The following AGTR1 variants were observed in gnomAD, a reference collection of about 807,000 sequenced individuals.
The protein encoded by AGTR1 is angiotensin II receptor type 1.
A neutral mutation model predicts 19.4 loss-of-function variants in AGTR1; 16 were observed. The ratio of observed to expected loss-of-function variants is 0.82; its 90% CI spans 0.56 to 1.25. The LOEUF is 1.25. Among genes scored for constraint, AGTR1 ranks in the 50% most tolerant of loss-of-function variants. The pLI, the probability that AGTR1 is intolerant of heterozygous loss-of-function variation, is 0.00. For synonymous variants in AGTR1, 153 were observed against 154.9 expected (o/e 0.99, Z 0.09); for missense variants, 373 against 431.9 (o/e 0.86, Z 1.21).
chr3:148,713,318 G>A (rs1384718172), intron 2 of AGTR1, among the ~76,000 whole-genome samples: 1 of 131,494 alleles, frequency 7.6e-6, no homozygotes, highest in Non-Finnish European at 1.5e-5. Flanking sequence ...TTGGAGGGGG[G>A]GAATATATAT....
intron 2 of AGTR1, chr3:148,730,224 A>G (rs924083965): frequency 5.0e-6 from 2 of 398,374 alleles, no homozygotes; most frequent in Non-Finnish European, 8.8e-6. Context: ...CAAAGGCTCC[A>G]CAGCTCAGAG....
chr3:148,700,802 T>C (rs997926413), intron 1 of AGTR1, among the ~76,000 whole-genome samples: 4 of 152,234 alleles, frequency 2.6e-5, no homozygotes, highest in Non-Finnish European at 4.4e-5. Context: ...AAATCAGCTT[T>C]CCAACACGTG....
chr3:148,705,984 C>A (rs535184215), intron 1 of AGTR1, among the ~76,000 whole-genome samples: 3 of 151,918 alleles, frequency 2.0e-5, no homozygotes, highest in Non-Finnish European at 4.4e-5. Context: ...AAATTAGGAA[C>A]AATATACAAC....
At position 148,741,800 on chromosome 3, in the gene AGTR1, C is replaced by A. The variant is rs768353305; in HGVS notation, c.765C>A (p.Pro255=). 4 of 1,613,210 alleles carry A rather than the reference C, an allele frequency of 2.5e-6. No individual in the cohort carries two copies. The highest frequency in any genetic ancestry group is 2.5e-6 in the Non-Finnish European group (3 of 1,179,942). Residue 255 remains proline (P), a synonymous_variant, in exon 3 of 3, where the codon CCC becomes CCA. Transcript: ENST00000349243. The part of the protein sequence containing the change: ...IVLFFFFSWI[P]HQIFTFLDVL... The stretch of plus-strand genomic sequence containing the variant: ...TTTTCTTTTTCTTTTCCTGGATTCC[C>A]CACCAAATATTCACTTTTCTGGATG...
intron 1 of AGTR1, among the ~76,000 whole-genome samples, chr3:148,704,127 T>A (rs1040048743): frequency 6.6e-6 from 1 of 151,926 alleles, no homozygotes; most frequent in Non-Finnish European, 1.5e-5. Flanking sequence ...TTTGGGAGGA[T>A]CACTTGAGGC....
At chr3:148,704,781 G>A (rs1253450650) in intron 1 of AGTR1, among the ~76,000 whole-genome samples, 3 of 152,184 alleles carry the variant, frequency 2.0e-5, no homozygotes, top group Non-Finnish European at 4.4e-5. Context: ...AGACAGGTGT[G>A]TATGGGTTCC....
At chr3:148,740,774 A>G (rs1323884715) in intron 2 of AGTR1, among the ~76,000 whole-genome samples, 1 of 152,238 alleles carries the variant, frequency 6.6e-6, no homozygotes, top group Non-Finnish European at 1.5e-5. Context: ...TCTCTGGATG[A>G]TACCATTTTC....
intron 2 of AGTR1, chr3:148,739,860 C>A: frequency 3.2e-6 from 4 of 1,231,840 alleles, no homozygotes; most frequent in East Asian, 3.2e-5. Flanking sequence ...CCTGGTAGAG[C>A]AATAGGATCT....
At chr3:148,736,703 G>A (rs192138471) in intron 2 of AGTR1, among the ~76,000 whole-genome samples, 2 of 152,244 alleles carry the variant, frequency 1.3e-5, no homozygotes, top group African/African-American at 4.8e-5. Flanking sequence ...ATTTGTACGT[G>A]GCAAAGGAGG....
intron 2 of AGTR1, among the ~76,000 whole-genome samples, chr3:148,729,418 G>A (rs1714129202): frequency 6.6e-6 from 1 of 152,126 alleles, no homozygotes; most frequent in African/African-American, 2.4e-5. Flanking sequence ...ACAACCAGAA[G>A]GCAAAAACTG....
rs114762439 is a variant in AGTR1, at chr3:148,725,424, T to C, written c.-47-15565T>C. 7.1e-3 allele frequency among the ~76,000 whole-genome samples: 1,080 copies of C among 152,328 alleles called. 12 individuals carry two copies. The highest frequency in any genetic ancestry group is 0.024 in the African/African-American group (1,018 of 41,574). ...GGGCTTCTAACTTCATTATAATCAA[T>C]TTATTGGCCATATATAATAATGCAA... On this transcript the variant is annotated intron_variant, in intron 2 of 2. Transcript: ENST00000349243.
rs76399002 is a variant in AGTR1, at chr3:148,726,134, A to G, written c.-47-14855A>G. On this transcript the variant is annotated intron_variant, in intron 2 of 2. Coordinates refer to ENST00000349243, the MANE Select transcript of AGTR1 (RefSeq NM_000685.5). The stretch of plus-strand genomic sequence containing the variant: ...GTTTAATGATTTGTCCAAGATCTCA[A>G]TTTCTAGAGAAGCGAAGAAGAATCC... 5.8e-3 allele frequency among the ~76,000 whole-genome samples: 885 copies of G among 152,284 alleles called. 15 individuals carry two copies. The highest frequency in any genetic ancestry group is 0.019 in the African/African-American group (797 of 41,548).
At chr3:148,738,525 A>T (rs1319236990) in intron 2 of AGTR1, among the ~76,000 whole-genome samples, 2 of 152,208 alleles carry the variant, frequency 1.3e-5, no homozygotes, top group East Asian at 3.8e-4. Context: ...ATGAATTTAT[A>T]CTTCTAAGTT....
chr3:148,741,535 GA>G lies in AGTR1; in HGVS notation c.503del (p.Asn168MetfsTer26). 6.2e-7 allele frequency: 1 copy of G among 1,614,080 alleles called. No individual in the cohort carries two copies. Among genetic ancestry groups the G allele is most frequent in the Non-Finnish European group, 8.5e-7 (1 of 1,179,976 alleles). On this transcript the variant is annotated frameshift_variant, in exon 3 of 3. Transcript: ENST00000349243. LOFTEE classifies it high-confidence loss of function. Reference protein sequence around the residue: ...GLASLPAIIHRNVFFIENTNI... With the variant: ...GLASLPAIIHXNVFFIENTNI... ...GCCAGTTTGCCAGCTATAATCCATCGAAATGTATTTTTCATTGAGAACACCA... is the reference window on the plus strand; with the variant it reads ...GCCAGTTTGCCAGCTATAATCCATCGAATGTATTTTTCATTGAGAACACCA...
intron 1 of AGTR1, among the ~76,000 whole-genome samples, chr3:148,705,967 A>C (rs1427652160): frequency 6.6e-6 from 1 of 151,986 alleles, no homozygotes; most frequent in Non-Finnish European, 1.5e-5. Context: ...TGTGGAGCCA[A>C]TAAGAAAAAT....
intron 2 of AGTR1, among the ~76,000 whole-genome samples, chr3:148,724,992 A>C (rs1490057533): frequency 6.6e-6 from 1 of 152,292 alleles, no homozygotes; most frequent in East Asian, 1.9e-4. Context: ...CCATTATTTT[A>C]TATAGTAATA....
rs553350297 is a variant in AGTR1 at position 148,741,588 on chromosome 3, G to A, written c.553G>A (p.Glu185Lys). Residue 185 changes from glutamate (E) to lysine (K), a missense_variant, in exon 3 of 3, where the codon GAG (glutamate) becomes AAG (lysine). Transcript: ENST00000349243. ...TNITVCAFHY[E>K]SQNSTLPIGL... is the part of the protein sequence containing the mutation. Reference sequence around the variant, plus strand: ...TATTACAGTTTGTGCTTTCCATTATGAGTCCCAAAATTCAACCCTCCCGAT... The same window carrying A: ...TATTACAGTTTGTGCTTTCCATTATAAGTCCCAAAATTCAACCCTCCCGAT... 5 of 1,614,038 alleles carry A rather than the reference G, an allele frequency of 3.1e-6. No homozygotes were observed. In the Admixed American group the frequency reaches 6.7e-5, roughly 22 times the overall value.
intron 2 of AGTR1, among the ~76,000 whole-genome samples, chr3:148,725,997 T>C (rs1034695925): frequency 6.6e-6 from 1 of 152,212 alleles, no homozygotes; most frequent in African/African-American, 2.4e-5. Flanking sequence ...ACTGAATGGG[T>C]ATAATATACT....
chr3:148,737,031 G>C (rs12695913), intron 2 of AGTR1, among the ~76,000 whole-genome samples: 5,027 of 152,184 alleles, frequency 0.033, 112 homozygotes, highest in East Asian at 0.053. Flanking sequence ...AAAGAAAAAA[G>C]AGCCCTACTG....
Sources: gnomAD v4.1 joint callset for allele counts (sites outside exome capture counted in the v4.1 genomes callset) on GRCh38, gnomAD v4.1.1 for gene constraint, MANE v1.5 for transcripts, NCBI Gene and HGNC (gene_info 2026-07-23, HGNC 2026-07-21) for gene names.